HEMK2: variants seen among roughly 807,000 people sequenced by gnomAD.
The protein encoded by HEMK2 is HemK methyltransferase 2, ETF1 glutamine and histone H4 lysine.
At chr21:28,645,775 G>T in the HEMK2 span, among the ~76,000 whole-genome samples, 1 of 152,104 alleles carries the variant, frequency 6.6e-6, no homozygotes, top group Non-Finnish European at 1.5e-5. Context: ...CATCATGTGA[G>T]GACACAAGTA....
At chr21:28,663,575 G>A in the HEMK2 span, among the ~76,000 whole-genome samples, 16 of 152,304 alleles carry the variant, frequency 1.1e-4, no homozygotes, top group African/African-American at 2.9e-4. Flanking sequence ...ATGGCCCATC[G>A]GCAAGAACAG....
At chr21:28,601,130 C>T in the HEMK2 span, among the ~76,000 whole-genome samples, 1 of 152,202 alleles carries the variant, frequency 6.6e-6, no homozygotes, top group Non-Finnish European at 1.5e-5. Context: ...GTATCGTGTG[C>T]CTGGTTCTTT....
the HEMK2 span, among the ~76,000 whole-genome samples, chr21:28,877,301 A>AAGGAAGGAAGG: frequency 1.6e-3 from 91 of 55,154 alleles, no homozygotes; most frequent in Middle Eastern, 7.9e-3. Flanking sequence ...AGGAAGGAAG[A>AAGGAAGGAAGG]GAGAGAGAAA....
chr21:28,750,542 A>C, the HEMK2 span, among the ~76,000 whole-genome samples: 1 of 151,992 alleles, frequency 6.6e-6, no homozygotes, highest in African/African-American at 2.4e-5. Flanking sequence ...CTACTAAAAA[A>C]ATATAAAAAC....
the HEMK2 span, among the ~76,000 whole-genome samples, chr21:28,634,060 T>C: frequency 6.6e-6 from 1 of 152,206 alleles, no homozygotes; most frequent in South Asian, 2.1e-4. Flanking sequence ...AATGACTGAC[T>C]GCCCGTGGCG....
At chr21:28,857,913 A>G in the HEMK2 span, among the ~76,000 whole-genome samples, 2 of 152,232 alleles carry the variant, frequency 1.3e-5, no homozygotes, top group South Asian at 4.1e-4. Flanking sequence ...TACAAACAGT[A>G]TCCAGATTGT....
chr21:28,657,718 G>C, the HEMK2 span, among the ~76,000 whole-genome samples: 1 of 151,982 alleles, frequency 6.6e-6, no homozygotes, highest in African/African-American at 2.4e-5. Flanking sequence ...CCATACTTAT[G>C]ATATAATCCC....
the HEMK2 span, among the ~76,000 whole-genome samples, chr21:28,768,272 T>C: frequency 6.6e-6 from 1 of 152,092 alleles, no homozygotes. Context: ...ACCTAACTCT[T>C]GAAGCTTGTC....
the HEMK2 span, among the ~76,000 whole-genome samples, chr21:28,705,102 A>T: frequency 6.6e-6 from 1 of 152,072 alleles, no homozygotes; most frequent in Non-Finnish European, 1.5e-5. Context: ...TTTTCTCTCC[A>T]AGCAGCTTGG....
At chr21:28,758,888 G>A in the HEMK2 span, among the ~76,000 whole-genome samples, 1 of 152,186 alleles carries the variant, frequency 6.6e-6, no homozygotes, top group Non-Finnish European at 1.5e-5. Context: ...TTCCAAGTTA[G>A]AGAAGTATGT....
chr21:28,635,172 G>C, the HEMK2 span, among the ~76,000 whole-genome samples: 1 of 151,070 alleles, frequency 6.6e-6, no homozygotes, highest in Non-Finnish European at 1.5e-5. Context: ...TGCCATCTCG[G>C]CTCACTGCAA....
the HEMK2 span, among the ~76,000 whole-genome samples, chr21:28,774,126 T>C: frequency 7.2e-5 from 11 of 152,134 alleles, no homozygotes; most frequent in Admixed American, 7.2e-4. Context: ...AGTTATCTTA[T>C]CTTCAAAATA....
the HEMK2 span, among the ~76,000 whole-genome samples, chr21:28,808,762 T>C: frequency 2.0e-5 from 3 of 152,194 alleles, no homozygotes; most frequent in Non-Finnish European, 2.9e-5. Flanking sequence ...CTAGTGGTTG[T>C]AGAACTCTTA....
chr21:28,872,710 G>GAC, the HEMK2 span: 1 of 152,188 alleles, frequency 6.6e-6, no homozygotes, highest in South Asian at 2.1e-4. Context: ...AAAGGCTTGA[G>GAC]AACCAGGGAA....
At chr21:28,770,095 G>C in the HEMK2 span, among the ~76,000 whole-genome samples, 73 of 152,250 alleles carry the variant, frequency 4.8e-4, no homozygotes, top group African/African-American at 1.7e-3. Flanking sequence ...ATTTTTATTT[G>C]CCTTCCCTAA....
chr21:28,767,466 A>G, the HEMK2 span, among the ~76,000 whole-genome samples: 1 of 152,078 alleles, frequency 6.6e-6, no homozygotes, highest in African/African-American at 2.4e-5. Flanking sequence ...TATTGAGACT[A>G]CAGAGCACTG....
chr21:28,736,633 C>T, the HEMK2 span, among the ~76,000 whole-genome samples: 37 of 152,184 alleles, frequency 2.4e-4, no homozygotes, highest in African/African-American at 7.9e-4. Context: ...GGCATGGTGG[C>T]GCATGCCTGT....
the HEMK2 span, among the ~76,000 whole-genome samples, chr21:28,739,111 T>C: frequency 6.6e-5 from 10 of 152,206 alleles, no homozygotes; most frequent in Non-Finnish European, 1.2e-4. Context: ...TATTCACAGA[T>C]ACCCTTTTGA....
At chr21:28,756,694 T>G in the HEMK2 span, among the ~76,000 whole-genome samples, 1 of 152,162 alleles carries the variant, frequency 6.6e-6, no homozygotes, top group Non-Finnish European at 1.5e-5. Context: ...TCCCAAACAC[T>G]TTGTCCTTCT....
Sources: allele counts gnomAD v4.1 joint callset (sites outside exome capture counted in the v4.1 genomes callset), GRCh38; gene constraint gnomAD v4.1.1; transcripts MANE v1.5; gene names NCBI Gene and HGNC (gene_info 2026-07-23, HGNC 2026-07-21).